KAZN: variants seen among roughly 807,000 people sequenced by gnomAD.
KAZN encodes kazrin, periplakin interacting protein.
KAZN carries 40 observed loss-of-function variants against 87.4 expected under a neutral mutation model. The ratio of observed to expected loss-of-function variants is 0.46; its 90% CI spans 0.36 to 0.60. The LOEUF (loss-of-function observed/expected upper bound fraction) is 0.60. KAZN is among the 20% of genes least tolerant of loss of function. The pLI, the probability that KAZN is intolerant of heterozygous loss-of-function variation, is 0.00. For missense variants in KAZN, 898 were observed against 1,073.9 expected, an observed-to-expected ratio of 0.84 and a Z score of 2.29; for synonymous variants, 466 against 458.3, an observed-to-expected ratio of 1.02 and a Z score of -0.22.
At chr1:14,313,445 A>G (rs1447899305) in intron 2 of KAZN, among the ~76,000 whole-genome samples, 1 of 152,144 alleles carries the variant, frequency 6.6e-6, no homozygotes, top group Non-Finnish European at 1.5e-5. Context: ...CATAAAACTA[A>G]TCCTGTGTAC....
intron 1 of KAZN, among the ~76,000 whole-genome samples, chr1:14,885,669 A>G (rs1653960759): frequency 6.6e-6 from 1 of 152,014 alleles, no homozygotes; most frequent in African/African-American, 2.4e-5. Flanking sequence ...CATAGAATCA[A>G]TTAAGCAGTA....
intron 2 of KAZN, among the ~76,000 whole-genome samples, chr1:14,442,889 C>T (rs1266148720): frequency 6.6e-6 from 1 of 152,214 alleles, no homozygotes; most frequent in African/African-American, 2.4e-5. Flanking sequence ...GAGCTGGCCC[C>T]TGCTCCCCGA....
rs535759940 is a variant in KAZN, at chr1:14,382,767, C to T, written c.249+202175C>T. 1.6e-4 allele frequency among the ~76,000 whole-genome samples: 24 copies of T among 149,006 alleles called. No homozygotes were observed. In the South Asian group the frequency reaches 1.9e-3, roughly 12 times the overall value. ...AAGTCTTTGCTATTGTGAATAATGC[C>T]GCAATAAACATACGTGTGCATGTGT... On this transcript the variant is annotated intron_variant, in intron 2 of 16. Coordinates refer to the KAZN transcript ENST00000636203.
At chr1:14,780,388 G>C (rs1397260291) in intron 1 of KAZN, among the ~76,000 whole-genome samples, 2 of 152,186 alleles carry the variant, frequency 1.3e-5, no homozygotes, top group Non-Finnish European at 2.9e-5. Flanking sequence ...GGAATGTGTG[G>C]AGGAGCTAGT....
At chr1:15,065,984 G>A in intron 8 of KAZN, 1 of 1,349,258 alleles carries the variant, frequency 7.4e-7, no homozygotes, top group Non-Finnish European at 9.5e-7. Context: ...TCTCTCCCCT[G>A]CGTCGCCACC....
At chr1:14,369,523 A>T (rs1216933909) in intron 2 of KAZN, among the ~76,000 whole-genome samples, 1 of 152,196 alleles carries the variant, frequency 6.6e-6, no homozygotes, top group Non-Finnish European at 1.5e-5. Flanking sequence ...GTAAAAGGGA[A>T]GAGGGGCATT....
intron 1 of KAZN, among the ~76,000 whole-genome samples, chr1:14,778,827 G>A (rs547777120): frequency 1.3e-5 from 2 of 152,174 alleles, no homozygotes; most frequent in Non-Finnish European, 2.9e-5. Context: ...TGGTAAAGCT[G>A]GGCTGGGTTT....
intron 1 of KAZN, among the ~76,000 whole-genome samples, chr1:14,755,866 C>T (rs1644550101): frequency 1.3e-5 from 2 of 152,176 alleles, no homozygotes; most frequent in South Asian, 2.1e-4. Context: ...AATTAGCAGG[C>T]ACACAAAGCC....
intron 1 of KAZN, among the ~76,000 whole-genome samples, chr1:14,028,845 T>A (rs2101314464): frequency 6.6e-6 from 1 of 152,128 alleles, no homozygotes; most frequent in South Asian, 2.1e-4. Context: ...GGTGTATATG[T>A]GCCACATTTT....
intron 2 of KAZN, among the ~76,000 whole-genome samples, chr1:14,383,323 G>C (rs1188639946): frequency 6.6e-6 from 1 of 150,464 alleles, no homozygotes; most frequent in East Asian, 1.9e-4. Context: ...AGTTTAATTA[G>C]ATCCCATTTG....
At chr1:14,480,693 A>G (rs1395067779) in intron 2 of KAZN, among the ~76,000 whole-genome samples, 2 of 145,528 alleles carry the variant, frequency 1.4e-5, no homozygotes, top group African/African-American at 5.0e-5. Context: ...AATATATAAA[A>G]TATATATTTT....
At chr1:14,156,596 T>G in intron 1 of KAZN, among the ~76,000 whole-genome samples, 1 of 152,232 alleles carries the variant, frequency 6.6e-6, no homozygotes, top group East Asian at 1.9e-4. Context: ...GTGACATTCT[T>G]TGTCTCTTCT....
intron 2 of KAZN, among the ~76,000 whole-genome samples, chr1:14,549,859 C>T (rs972471297): frequency 1.3e-5 from 2 of 152,194 alleles, no homozygotes; most frequent in Non-Finnish European, 2.9e-5. Context: ...TGGCTTTAGC[C>T]CCCATTCACC....
chr1:14,027,294 G>C (rs1557791287), intron 1 of KAZN, among the ~76,000 whole-genome samples: 1 of 152,114 alleles, frequency 6.6e-6, no homozygotes, highest in East Asian at 1.9e-4. Flanking sequence ...CATGCGATGC[G>C]CTGGCTTCCC....
intron 2 of KAZN, among the ~76,000 whole-genome samples, chr1:14,328,139 C>T (rs1383516386): frequency 6.6e-6 from 1 of 152,154 alleles, no homozygotes; most frequent in Non-Finnish European, 1.5e-5. Flanking sequence ...TAATTTAAGC[C>T]TCCAGCAAAG....
chr1:13,935,130 G>A (rs971534611), intron 1 of KAZN, among the ~76,000 whole-genome samples: 19 of 151,968 alleles, frequency 1.3e-4, no homozygotes, highest in Admixed American at 9.2e-4. Flanking sequence ...CCAGCTACTC[G>A]GGAGGCTGAG....
At chr1:14,248,266 T>C (rs528750563) in intron 2 of KAZN, among the ~76,000 whole-genome samples, 1 of 152,336 alleles carries the variant, frequency 6.6e-6, no homozygotes, top group East Asian at 1.9e-4. Context: ...ATGAGTTCTG[T>C]GACTTTAAAC....
intron 1 of KAZN, among the ~76,000 whole-genome samples, chr1:14,791,566 C>T (rs967198938): frequency 3.9e-5 from 6 of 152,186 alleles, no homozygotes; most frequent in African/African-American, 1.4e-4. Context: ...CCTGGACATG[C>T]CTCTGGCCTC....
At chr1:14,944,197 C>T (rs59429723) in intron 1 of KAZN, among the ~76,000 whole-genome samples, 4,214 of 147,350 alleles carry the variant, frequency 0.029, 213 homozygotes, top group African/African-American at 0.1. Context: ...TTGAGTTTGT[C>T]TGCCTCTTCC....
Sources: gnomAD v4.1 joint callset for allele counts (sites outside exome capture counted in the v4.1 genomes callset) on GRCh38, gnomAD v4.1.1 for gene constraint, MANE v1.5 for transcripts, NCBI Gene and HGNC (gene_info 2026-07-23, HGNC 2026-07-21) for gene names.